The following NCOA3 variants were observed in gnomAD, a reference collection of about 807,000 sequenced individuals.
NCOA3 encodes the protein CBP-interacting protein.
Under a neutral mutation model 158.8 loss-of-function variants are expected in NCOA3, and 51 were observed. The observed-to-expected ratio is 0.32, with a 90% confidence interval of 0.26 to 0.41. NCOA3 has a LOEUF of 0.41. NCOA3 is among the 10% of genes least tolerant of loss of function. The pLI is 1.00. For missense variants in NCOA3, 1,510 were observed against 1,746.6 expected, an observed-to-expected ratio of 0.86 and a Z score of 2.41; for synonymous variants, 537 against 592.4, an observed-to-expected ratio of 0.91 and a Z score of 1.36.
Position 47,553,178 on chromosome 20 carries a change from G to A in NCOA3, c.-98-30005G>A, listed in dbSNP as rs181132689. Among the ~76,000 whole-genome samples, 172 of 152,140 alleles carry A rather than the reference G, an allele frequency of 1.1e-3. 1 individual carries two copies. Among genetic ancestry groups the A allele is most frequent in the Middle Eastern group, 3.4e-3 (1 of 294 alleles). ...TTGAATTCCTGGGCTTAAGGGATTTGCTCGCTTTGGCCTCCTGAAGTGTTA... is the reference window on the plus strand; with the variant it reads ...TTGAATTCCTGGGCTTAAGGGATTTACTCGCTTTGGCCTCCTGAAGTGTTA... On this transcript the variant is annotated intron_variant, in intron 1 of 22. Coordinates refer to ENST00000371998, the MANE Select transcript of NCOA3 (RefSeq NM_181659.3).
Position 47,633,673 on chromosome 20 carries a change from A to T in NCOA3, c.964+37A>T, listed in dbSNP as rs374105962. 8.1e-6 allele frequency: 13 copies of T among 1,595,768 alleles called. No homozygotes were observed. The African/African-American group carries it at 1.5e-4, about 18-fold the overall frequency. ...TGGGGTTGATTGTTCTTATCATTTT[A>T]TTCTTTAGAGACAGGGCCTTGCTAT... is the stretch of plus-strand genomic sequence containing the variant. On this transcript the variant is annotated intron_variant, in intron 9 of 22. Transcript: ENST00000371998.
chr20:47,603,658 A>T (rs953622160), intron 2 of NCOA3, among the ~76,000 whole-genome samples: 1 of 152,162 alleles, frequency 6.6e-6, no homozygotes, highest in African/African-American at 2.4e-5. Context: ...ATGGATGAGG[A>T]GCTGGAAAGG....
intron 1 of NCOA3, among the ~76,000 whole-genome samples, chr20:47,536,155 G>C (rs1031066632): frequency 6.6e-6 from 1 of 152,132 alleles, no homozygotes; most frequent in Non-Finnish European, 1.5e-5. Context: ...TTCTCACTTA[G>C]GTCCGTGAGC....
intron 1 of NCOA3, among the ~76,000 whole-genome samples, chr20:47,558,497 G>A (rs886080784): frequency 1.3e-5 from 2 of 151,964 alleles, no homozygotes; most frequent in Non-Finnish European, 2.9e-5. Flanking sequence ...CATTGTGAGA[G>A]GTGAGGATTA....
chr20:47,638,924 G>A (rs2086560683), intron 13 of NCOA3, 84 bp from the exon 14 acceptor site: 1 of 1,033,076 alleles, frequency 9.7e-7, no homozygotes. Context: ...ATTCTTGGGT[G>A]GGGAGTGGTG....
intron 4 of NCOA3, 26 bp downstream of exon 4, chr20:47,624,109 G>C (rs1372246437): frequency 1.9e-6 from 3 of 1,579,172 alleles, no homozygotes; most frequent in African/African-American, 2.7e-5. Context: ...ATGTCTTTTT[G>C]AACAGTGGTG....
chr20:47,647,153 T>C lies in NCOA3; in HGVS notation c.3333T>C (p.Tyr1111=), dbSNP rs755466118. 3 of 1,614,058 alleles carry C rather than the reference T, an allele frequency of 1.9e-6. No homozygotes were observed. The highest frequency in any genetic ancestry group is 1.7e-5 in the Admixed American group (1 of 60,014). ...TGATGGATCAGAAGGCAGGATTATA[T>C]GGACAGACATACCCAGCACAGGGGC... is the stretch of plus-strand genomic sequence containing the variant. ...AVMMDQKAGL[Y]GQTYPAQGPP... The change falls in exon 18 of 23, where the codon TAT becomes TAC. Residue 1111 remains tyrosine, a synonymous_variant. Transcript: ENST00000371998.
chr20:47,553,993 G>C (rs901113438), intron 1 of NCOA3, among the ~76,000 whole-genome samples: 6 of 152,166 alleles, frequency 3.9e-5, no homozygotes, highest in Non-Finnish European at 5.9e-5. Context: ...CACAATGGTT[G>C]AACTAGTTTA....
In NCOA3 at chr20:47,651,014, A is replaced by G. The variant is rs753862970; in HGVS notation, c.3684A>G (p.Gln1228=). ...TTCTTAATGCTCAAATGGTCGCCCA[A>G]CGCAGCAGAGAGCTGCTAAGTCATC... ...QGFLNAQMVA[Q]RSRELLSHHF... The change falls in exon 20 of 23, where the codon CAA becomes CAG. Residue 1228 remains glutamine (Q), a synonymous_variant. Coordinates refer to ENST00000371998, the MANE Select transcript of NCOA3 (RefSeq NM_181659.3). The G allele has an allele frequency of 1.2e-5, 20 of 1,614,150 alleles. No homozygotes were observed. Among genetic ancestry groups the G allele is most frequent in the Non-Finnish European group, 1.5e-5 (18 of 1,180,012 alleles).
intron 1 of NCOA3, among the ~76,000 whole-genome samples, chr20:47,546,820 C>T (rs761534786): frequency 5.9e-5 from 9 of 152,106 alleles, no homozygotes; most frequent in East Asian, 1.9e-4. Flanking sequence ...CATGAGCCAC[C>T]GCTACCGGCC....
At chr20:47,522,718 G>A (rs1457663542) in intron 1 of NCOA3, among the ~76,000 whole-genome samples, 6 of 152,050 alleles carry the variant, frequency 3.9e-5, no homozygotes, top group Non-Finnish European at 8.8e-5. Context: ...TACACACGTG[G>A]GGATATGTGG....
chr20:47,552,191 T>G (rs574338681), intron 1 of NCOA3, among the ~76,000 whole-genome samples: 7 of 152,344 alleles, frequency 4.6e-5, no homozygotes, highest in African/African-American at 1.7e-4. Flanking sequence ...CTAGCAAAGT[T>G]ATACTTATAA....
chr20:47,502,409 C>T (rs936977748), intron 1 of NCOA3, among the ~76,000 whole-genome samples: 5 of 152,206 alleles, frequency 3.3e-5, no homozygotes, highest in Non-Finnish European at 5.9e-5. Context: ...GCGTCGTCCT[C>T]CTGCTGCCCC....
At position 47,627,175 on chromosome 20, in the gene NCOA3, A is replaced by C. The variant is rs746715619; in HGVS notation, c.531A>C (p.Thr177=). The C allele has an allele frequency of 1.9e-6, 3 of 1,594,398 alleles. No individual in the cohort carries two copies. Among genetic ancestry groups the C allele is most frequent in the Admixed American group, 1.8e-5 (1 of 56,618 alleles). Residue 177 remains threonine (T), a splice_region_variant and synonymous_variant, in exon 6 of 23, where the codon ACA becomes ACC. Transcript: ENST00000371998. ...KDFLKNLPKS[T]VNGVSWTNET... is the part of the protein sequence containing the mutation. ...TTCTTAAGAATTTACCAAAATCTAC[A>C]GGTAGGCTTTTAATGTGTATTTTCT...
chr20:47,597,174 T>C (rs1006821968), intron 2 of NCOA3, among the ~76,000 whole-genome samples: 29 of 152,302 alleles, frequency 1.9e-4, no homozygotes, highest in African/African-American at 6.7e-4. Context: ...CTCTGTGCAA[T>C]CAGTCATCTC....
intron 1 of NCOA3, among the ~76,000 whole-genome samples, chr20:47,550,971 C>T (rs375746674): frequency 6.6e-6 from 1 of 152,074 alleles, no homozygotes; most frequent in Non-Finnish European, 1.5e-5. Flanking sequence ...ACCTTATGAT[C>T]AGATGGAATT....
In NCOA3 at chr20:47,653,588, G is replaced by T. The variant is rs915248108; in HGVS notation, c.*171G>T. On this transcript the variant is annotated 3_prime_UTR_variant, in exon 23 of 23. Coordinates refer to ENST00000371998, the MANE Select transcript of NCOA3 (RefSeq NM_181659.3). ...TTTGAGCAGGACTGGATTTTAAGCC[G>T]AAGGGCAATATCTACGTGTTTTTCC... 2.6e-6 allele frequency: 2 copies of T among 767,416 alleles called. No homozygotes were observed. The highest frequency in any genetic ancestry group is 4.3e-6 in the Non-Finnish European group (2 of 461,692). The allele number at this position is 767,416 out of a possible 1,614,324, so 47.5% of individuals were successfully genotyped here.
chr20:47,581,115 G>GAA (rs1255049744), intron 1 of NCOA3, among the ~76,000 whole-genome samples: 2 of 151,706 alleles, frequency 1.3e-5, no homozygotes, highest in Non-Finnish European at 2.9e-5. Context: ...AAAAGAAAAA[G>GAA]AAAAAAGCTA....
Position 47,511,550 on chromosome 20 carries a change from T to TATATATATACACACACACACATACAC in NCOA3, c.-99+9537_-99+9538insATACACACACACACATACACATATAT. ...ATATATATATATATATATATATATA[T>TATATATATACACACACACACATACAC]ATATATTTCTTTTTTTTTTTGAGAC... is the stretch of plus-strand genomic sequence containing the variant. On this transcript the variant is annotated intron_variant, in intron 1 of 22. Transcript: ENST00000371998. Among the ~76,000 whole-genome samples the TATATATATACACACACACACATACAC allele has an allele frequency of 6.7e-4, 35 of 52,268 alleles. 1 individual carries two copies. Among genetic ancestry groups the TATATATATACACACACACACATACAC allele is most frequent in the Non-Finnish European group, 1.2e-3 (30 of 25,104 alleles). The allele number at this position is 52,268 out of a possible 152,430, so 34.3% of individuals were successfully genotyped here.
Sources: allele counts gnomAD v4.1 joint callset (sites outside exome capture counted in the v4.1 genomes callset), GRCh38; gene constraint gnomAD v4.1.1; transcripts MANE v1.5; gene names NCBI Gene and HGNC (gene_info 2026-07-23, HGNC 2026-07-21).